CABLES1: variants seen among roughly 807,000 people sequenced by gnomAD.
CABLES1 encodes the protein CDK5 and ABL1 enzyme substrate 1.
A neutral mutation model predicts 57.8 loss-of-function variants in CABLES1; 36 were observed. The ratio of observed to expected loss-of-function variants is 0.62; its 90% CI spans 0.48 to 0.82. The LOEUF is 0.82. CABLES1 is among the 40% of genes least tolerant of loss of function. The pLI is 0.00. For missense variants in CABLES1, 767 were observed against 836.6 expected, an observed-to-expected ratio of 0.92 and a Z score of 1.03; for synonymous variants, 374 against 363.0, an observed-to-expected ratio of 1.03 and a Z score of -0.35.
intron 4 of CABLES1, among the ~76,000 whole-genome samples, chr18:23,217,729 A>G (rs1598835421): frequency 6.6e-6 from 1 of 152,276 alleles, no homozygotes; most frequent in South Asian, 2.1e-4. Context: ...ATACACACAC[A>G]TATTTTAAAC....
At chr18:23,180,839 G>C (rs1018371677) in intron 1 of CABLES1, among the ~76,000 whole-genome samples, 9 of 152,108 alleles carry the variant, frequency 5.9e-5, no homozygotes, top group Non-Finnish European at 1.2e-4. Context: ...TTATGTCTGT[G>C]GTGGGGGGAT....
Position 23,257,414 on chromosome 18 carries a change from G to T in CABLES1, c.*47G>T. 1 of 1,537,340 alleles carries T rather than the reference G, an allele frequency of 6.5e-7. No individual in the cohort carries two copies. Among genetic ancestry groups the T allele is most frequent in the Admixed American group, 2.3e-5 (1 of 42,720 alleles). On this transcript the variant is annotated 3_prime_UTR_variant, in exon 10 of 10. Transcript: ENST00000256925. Reference sequence around the variant, plus strand: ...AGGGCCATTTCTTCTCAGCTTGGTGGAGCAGCACTTACTTACTACTGGAAA... The same window carrying T: ...AGGGCCATTTCTTCTCAGCTTGGTGTAGCAGCACTTACTTACTACTGGAAA...
chr18:23,173,903 C>T (rs1159586199), intron 1 of CABLES1, among the ~76,000 whole-genome samples: 1 of 152,186 alleles, frequency 6.6e-6, no homozygotes, highest in Non-Finnish European at 1.5e-5. Context: ...TCAGAGGTTG[C>T]AGTGAGCTGA....
chr18:23,152,744 C>A (rs1158446552), intron 1 of CABLES1, among the ~76,000 whole-genome samples: 2 of 151,908 alleles, frequency 1.3e-5, no homozygotes, highest in East Asian at 3.9e-4. Flanking sequence ...CTCGGCCTCC[C>A]AAAGTGCTGG....
At chr18:23,240,763 C>T (rs1015345072) in intron 7 of CABLES1, among the ~76,000 whole-genome samples, 6 of 152,248 alleles carry the variant, frequency 3.9e-5, no homozygotes, top group South Asian at 2.1e-4. Flanking sequence ...CAGAGGCGCC[C>T]ACCTGAAATC....
chr18:23,171,406 G>A (rs1598810221), intron 1 of CABLES1, among the ~76,000 whole-genome samples: 1 of 152,216 alleles, frequency 6.6e-6, no homozygotes, highest in African/African-American at 2.4e-5. Flanking sequence ...ATAATGTGAC[G>A]AGCTCTGTCC....
intron 7 of CABLES1, among the ~76,000 whole-genome samples, chr18:23,251,281 C>T (rs910464679): frequency 6.6e-6 from 1 of 152,052 alleles, no homozygotes; most frequent in Non-Finnish European, 1.5e-5. Context: ...GGCGAACCCC[C>T]ATTTACTAAA....
At chr18:23,226,433 A>G (rs2047528598) in intron 4 of CABLES1, among the ~76,000 whole-genome samples, 1 of 151,246 alleles carries the variant, frequency 6.6e-6, no homozygotes, top group African/African-American at 2.4e-5. Flanking sequence ...CTGAGGGTCA[A>G]GCCTGGACCA....
At chr18:23,238,722 C>T (rs1447910950) in intron 7 of CABLES1, among the ~76,000 whole-genome samples, 2 of 152,174 alleles carry the variant, frequency 1.3e-5, no homozygotes, top group Non-Finnish European at 2.9e-5. Flanking sequence ...ATTTATTAAG[C>T]AACATGGCCA....
intron 1 of CABLES1, among the ~76,000 whole-genome samples, chr18:23,168,363 GACAA>G (rs941544666): frequency 6.6e-6 from 1 of 152,234 alleles, no homozygotes; most frequent in African/African-American, 2.4e-5. Flanking sequence ...CCAGTAACAG[GACAA>G]ACAGTGTGTG....
chr18:23,226,002 G>A (rs1568075978), intron 4 of CABLES1, among the ~76,000 whole-genome samples: 1 of 152,242 alleles, frequency 6.6e-6, no homozygotes, highest in Non-Finnish European at 1.5e-5. Flanking sequence ...TGTAGAGAGA[G>A]GGAAGGAATT....
intron 1 of CABLES1, among the ~76,000 whole-genome samples, chr18:23,167,721 G>A (rs2047053050): frequency 1.3e-5 from 2 of 151,722 alleles, no homozygotes; most frequent in South Asian, 4.2e-4. Context: ...GGGAGGCCAT[G>A]GGAGCAAGGA....
At chr18:23,192,863 G>A (rs770316945) in intron 2 of CABLES1, among the ~76,000 whole-genome samples, 2 of 152,142 alleles carry the variant, frequency 1.3e-5, no homozygotes, top group Non-Finnish European at 2.9e-5. Flanking sequence ...AAGGCAGAGT[G>A]AGGCCCTATC....
intron 1 of CABLES1, among the ~76,000 whole-genome samples, chr18:23,177,041 A>G (rs6507521): frequency 1 from 151,933 of 152,270 alleles, 75,804 homozygotes; most frequent in Middle Eastern, 1. Context: ...CCCTCCAGCA[A>G]GGTTCGGTTC....
At position 23,208,391 on chromosome 18, in the gene CABLES1, G is replaced by A. The variant is rs1390517923; in HGVS notation, c.1011-5586G>A. Among the ~76,000 whole-genome samples the A allele has an allele frequency of 3.3e-5, 5 of 152,186 alleles. No individual in the cohort carries two copies. The South Asian group carries it at 6.2e-4, about 19-fold the overall frequency. On this transcript the variant is annotated intron_variant, in intron 3 of 9. Coordinates refer to ENST00000256925, the MANE Select transcript of CABLES1 (RefSeq NM_001100619.3). ...TTTTGTTGGTGGTGGTGGTGTTTTCGTTCAGCTCTCATTATGCCATTGCCA... is the reference window on the plus strand; with the variant it reads ...TTTTGTTGGTGGTGGTGGTGTTTTCATTCAGCTCTCATTATGCCATTGCCA...
intron 3 of CABLES1, among the ~76,000 whole-genome samples, chr18:23,209,804 G>GACA (rs920315884): frequency 1.3e-5 from 2 of 149,302 alleles, no homozygotes; most frequent in Non-Finnish European, 3.0e-5. Context: ...GCTGGTGAGA[G>GACA]ACATTGCCAG....
intron 1 of CABLES1, among the ~76,000 whole-genome samples, chr18:23,169,043 T>TA (rs1288325130): frequency 1.3e-5 from 2 of 152,064 alleles, no homozygotes; most frequent in Non-Finnish European, 2.9e-5. Flanking sequence ...CAGGTTACAG[T>TA]AAAAAAGTCG....
At chr18:23,255,686 A>G (rs1298574672) in intron 9 of CABLES1, among the ~76,000 whole-genome samples, 1 of 151,656 alleles carries the variant, frequency 6.6e-6, no homozygotes, top group African/African-American at 2.4e-5. Context: ...CCGCCTCCCA[A>G]GTAGCTGGAA....
Position 23,136,060 on chromosome 18 carries a change from G to T in CABLES1, c.298G>T (p.Gly100Cys), listed in dbSNP as rs2046817577. ...CGGCGCGGCCAAGCCGGGCGCCGGC[G>T]GCGCCTGCGGCGCGAGGACTCGGTT... ...EGGAAKPGAG[G>C]ACGARTRFSL... Residue 100 changes from glycine (G) to cysteine (C), a missense_variant, in exon 1 of 10, where the codon GGC (glycine) becomes TGC (cysteine). Gly to Cys is a radical substitution (Grantham distance 159). Around this residue, in one of 4 missense-constraint regions of CABLES1, gnomAD observed 198 missense variants for 149.7 expected, o/e 1.32. Coordinates refer to ENST00000256925, the MANE Select transcript of CABLES1 (RefSeq NM_001100619.3). The T allele has an allele frequency of 9.1e-7, 1 of 1,093,920 alleles. No individual in the cohort carries two copies. The highest frequency in any genetic ancestry group is 2.3e-5 in the African/African-American group (1 of 42,778). The allele number at this position is 1,093,920 out of a possible 1,614,324, so 67.8% of individuals were successfully genotyped here.
Sources: gnomAD v4.1 joint callset for allele counts (sites outside exome capture counted in the v4.1 genomes callset) on GRCh38, gnomAD v4.1.1 for gene constraint, gnomAD v4.1.1 regional missense constraint, MANE v1.5 for transcripts, NCBI Gene and HGNC (gene_info 2026-07-23, HGNC 2026-07-21) for gene names.